The following TLE1 variants were observed in gnomAD, a reference collection of about 807,000 sequenced individuals.
TLE1 encodes the protein TLE family member 1, transcriptional corepressor, also known as transducin-like enhancer protein 1.
A neutral mutation model predicts 89.8 loss-of-function variants in TLE1; 21 were observed. The ratio of observed to expected loss-of-function variants is 0.23; its 90% CI spans 0.17 to 0.34. The LOEUF (loss-of-function observed/expected upper bound fraction) is 0.34, where lower values mean the gene tolerates loss of function less well. TLE1 is among the 10% of genes least tolerant of loss of function. The probability of loss-of-function intolerance (pLI) is 1.00; values close to 1 mark genes in which losing one functional copy is unlikely to be tolerated. For missense variants in TLE1, 795 were observed against 1,031.2 expected, an observed-to-expected ratio of 0.77 and a Z score of 3.14; for synonymous variants, 447 against 407.6, an observed-to-expected ratio of 1.10 and a Z score of -1.16.
chr9:81,584,035 G>C lies in TLE1; in HGVS notation c.*163C>G. 1 of 638,726 alleles carries C rather than the reference G, an allele frequency of 1.6e-6. No individual in the cohort carries two copies. Among genetic ancestry groups the C allele is most frequent in the Non-Finnish European group, 2.7e-6 (1 of 369,442 alleles). The allele number at this position is 638,726 out of a possible 1,614,324, so 39.6% of individuals were successfully genotyped here. On this transcript the variant is annotated 3_prime_UTR_variant, in exon 20 of 20. Transcript: ENST00000376499. ...GTAGACAGGTGACTTTCTGCTGATG[G>C]ACTTGTCGCCTCCTCTTTGTAGACT...
intron 6 of TLE1, among the ~76,000 whole-genome samples, chr9:81,634,749 G>T (rs1827163691): frequency 6.6e-6 from 1 of 152,068 alleles, no homozygotes; most frequent in African/African-American, 2.4e-5. Context: ...TTTTCAGAGG[G>T]ATTAAAATGG....
Position 81,645,791 on chromosome 9 carries a change from T to C in TLE1, c.372+6423A>G, listed in dbSNP as rs77020677. Among the ~76,000 whole-genome samples the C allele has an allele frequency of 2.5e-3, 387 of 152,244 alleles. 3 individuals carry two copies. The highest frequency in any genetic ancestry group is 8.8e-3 in the African/African-American group (365 of 41,548). ...AAATAAAAATAAATGCTTGAGGGGA[T>C]AGATACCCCATTCTTTATGATGTGT... On this transcript the variant is annotated intron_variant, in intron 6 of 19. Transcript: ENST00000376499.
chr9:81,598,620 A>G (rs945997310), intron 14 of TLE1, among the ~76,000 whole-genome samples: 7 of 152,146 alleles, frequency 4.6e-5, no homozygotes, highest in Admixed American at 4.6e-4. Flanking sequence ...ATCTGCTAAA[A>G]TAAGGTGGGC....
chr9:81,671,109 G>T (rs778371456), intron 4 of TLE1, among the ~76,000 whole-genome samples: 1 of 151,906 alleles, frequency 6.6e-6, no homozygotes, highest in Non-Finnish European at 1.5e-5. Flanking sequence ...CAATGACTGC[G>T]GTGAACTGAG....
chr9:81,591,164 T>A (rs1829435216), intron 15 of TLE1, 112 bp from the exon 16 acceptor site: 2 of 1,395,874 alleles, frequency 1.4e-6, no homozygotes, highest in African/African-American at 1.4e-5. Flanking sequence ...TCATGGACAC[T>A]CTAACAGAGC....
Position 81,661,173 on chromosome 9 carries a change from T to TA in TLE1, c.235-7138dup, listed in dbSNP as rs1491491805. Among the ~76,000 whole-genome samples, 7 of 128,330 alleles carry TA rather than the reference T, an allele frequency of 5.5e-5. No homozygotes were observed. The East Asian group carries it at 1.4e-3, about 25-fold the overall frequency. 84.2% of individuals were successfully genotyped at this position (128,330 alleles called of 152,430 possible). On this transcript the variant is annotated intron_variant, in intron 4 of 19. Coordinates refer to ENST00000376499, the MANE Select transcript of TLE1 (RefSeq NM_005077.5). ...TAAAAATAAAAAATACATATATATTTATATATATGTATTTTTATATATATA... is the reference window on the plus strand; with the variant it reads ...TAAAAATAAAAAATACATATATATTTAATATATATGTATTTTTATATATATA...
intron 4 of TLE1, among the ~76,000 whole-genome samples, chr9:81,662,494 G>A (rs568521632): frequency 5.3e-5 from 8 of 151,564 alleles, no homozygotes; most frequent in African/African-American, 1.2e-4. Context: ...TCAGGAGTTC[G>A]AGACCATCCT....
At chr9:81,588,476 G>A (rs962550455) in intron 16 of TLE1, among the ~76,000 whole-genome samples, 9 of 152,152 alleles carry the variant, frequency 5.9e-5, no homozygotes, top group African/African-American at 1.9e-4. Context: ...CAGAGGCATT[G>A]GGCAGAGACA....
intron 4 of TLE1, among the ~76,000 whole-genome samples, chr9:81,654,380 G>A (rs1287804094): frequency 1.3e-5 from 2 of 151,916 alleles, no homozygotes; most frequent in African/African-American, 4.8e-5. Flanking sequence ...TTGCTCTGTC[G>A]CCCAGGCTGG....
At chr9:81,664,122 A>G (rs1321026786) in intron 4 of TLE1, among the ~76,000 whole-genome samples, 1 of 152,048 alleles carries the variant, frequency 6.6e-6, no homozygotes, top group African/African-American at 2.4e-5. Flanking sequence ...TCTTATTTTT[A>G]TACCTAAAGA....
intron 15 of TLE1, among the ~76,000 whole-genome samples, chr9:81,591,873 C>T (rs1829566077): frequency 6.6e-6 from 1 of 152,188 alleles, no homozygotes; most frequent in African/African-American, 2.4e-5. Context: ...TTCCAAAACA[C>T]CGCCACTCTG....
chr9:81,660,978 C>CACA (rs140689682), intron 4 of TLE1, among the ~76,000 whole-genome samples: 2,651 of 121,782 alleles, frequency 0.022, 97 homozygotes, highest in Middle Eastern at 0.096. Context: ...CACACACACA[C>CACA]ATTTAGCCTG....
chr9:81,592,353 G>A (rs1005649759), intron 15 of TLE1, among the ~76,000 whole-genome samples: 2 of 152,176 alleles, frequency 1.3e-5, no homozygotes, highest in African/African-American at 4.8e-5. Flanking sequence ...GCAAGACTCC[G>A]TCTCAAAGAA....
At chr9:81,642,720 A>AAAGAAAGGG (rs1828300560) in intron 6 of TLE1, among the ~76,000 whole-genome samples, 1 of 151,604 alleles carries the variant, frequency 6.6e-6, no homozygotes, top group African/African-American at 2.4e-5. Flanking sequence ...GAAAGAAAGG[A>AAAGAAAGGG]AAGAAAGAAA....
intron 8 of TLE1, among the ~76,000 whole-genome samples, chr9:81,624,785 T>C (rs1331865): frequency 0.22 from 32,884 of 151,940 alleles, 3,965 homozygotes; most frequent in East Asian, 0.28. Context: ...ATTAAAAAAA[T>C]AAACAAATAA....
chr9:81,608,885 C>T (rs1324524704), intron 14 of TLE1, among the ~76,000 whole-genome samples: 3 of 151,164 alleles, frequency 2.0e-5, no homozygotes, highest in Non-Finnish European at 2.9e-5. Flanking sequence ...TGCAGTGAGC[C>T]GAGATCGCAC....
Position 81,590,421 on chromosome 9 carries a change from G to A in TLE1, c.1829+384C>T, listed in dbSNP as rs568763917. The stretch of plus-strand genomic sequence containing the variant: ...GTTGATTTTCTGTTATCTTTTATCA[G>A]TTGGCTCTTGTCTGCACCAAGTTCT... On this transcript the variant is annotated intron_variant, in intron 16 of 19. Coordinates refer to ENST00000376499, the MANE Select transcript of TLE1 (RefSeq NM_005077.5). Among the ~76,000 whole-genome samples the A allele has an allele frequency of 4.6e-5, 7 of 152,182 alleles. No homozygotes were observed. The East Asian group carries it at 1.2e-3, about 25-fold the overall frequency.
intron 6 of TLE1, among the ~76,000 whole-genome samples, chr9:81,639,661 C>T (rs1827864628): frequency 6.7e-6 from 1 of 148,302 alleles, no homozygotes; most frequent in African/African-American, 2.5e-5. Flanking sequence ...CGGCTCACTG[C>T]AACCTCCACC....
rs1457457208 is a variant in TLE1, at chr9:81,590,837, A to G, written c.1797T>C (p.Ala599=). ...CFSCCSDGNI[A]VWDLHNQTLV... is the part of the protein sequence containing the mutation. Reference sequence around the variant, plus strand: ...GTGTCTGGTTGTGCAGATCCCACACAGCGATGTTGCCGTCGCTGCAGCATG... The same window carrying G: ...GTGTCTGGTTGTGCAGATCCCACACGGCGATGTTGCCGTCGCTGCAGCATG... The change falls in exon 16 of 20, where the codon GCT becomes GCC. Residue 599 remains alanine (A), a synonymous_variant. Coordinates refer to ENST00000376499, the MANE Select transcript of TLE1 (RefSeq NM_005077.5). 35 of 1,614,086 alleles carry G rather than the reference A, an allele frequency of 2.2e-5. No individual in the cohort carries two copies. Among genetic ancestry groups the G allele is most frequent in the Non-Finnish European group, 3.0e-5 (35 of 1,180,042 alleles).
Sources: gnomAD v4.1 joint callset for allele counts (sites outside exome capture counted in the v4.1 genomes callset) on GRCh38, gnomAD v4.1.1 for gene constraint, MANE v1.5 for transcripts, NCBI Gene and HGNC (gene_info 2026-07-23, HGNC 2026-07-21) for gene names.